STIM2: variants seen among roughly 807,000 people sequenced by gnomAD.
STIM2 encodes the protein stromal interaction molecule 2.
In STIM2, 31 loss-of-function variants were observed where a neutral mutation model predicts 85.8. The observed-to-expected ratio is 0.36, with a 90% CI of 0.27 to 0.49. STIM2 has a LOEUF of 0.49. STIM2 is among the 20% of genes least tolerant of loss of function. The pLI, the probability that STIM2 is intolerant of heterozygous loss-of-function variation, is 0.98. For synonymous variants in STIM2, 356 were observed against 331.1 expected, an observed-to-expected ratio of 1.08 and a Z score of -0.82; for missense variants, 841 against 927.6, an observed-to-expected ratio of 0.91 and a Z score of 1.21.
intron 2 of STIM2, among the ~76,000 whole-genome samples, chr4:26,938,640 C>G (rs959008427): frequency 1.4e-4 from 21 of 152,096 alleles, no homozygotes; most frequent in African/African-American, 4.8e-4. Flanking sequence ...TTTGGATTGT[C>G]GTAAGGTAAA....
chr4:26,882,639 T>G (rs1723055940), intron 1 of STIM2, among the ~76,000 whole-genome samples: 1 of 151,504 alleles, frequency 6.6e-6, no homozygotes, highest in Non-Finnish European at 1.5e-5. Context: ...TTTTTGTATT[T>G]TTTGTAGGGA....
intron 1 of STIM2, among the ~76,000 whole-genome samples, chr4:26,870,339 T>G (rs1722568959): frequency 6.6e-6 from 1 of 152,090 alleles, no homozygotes; most frequent in South Asian, 2.1e-4. Context: ...ATGGATTATG[T>G]GAATTAGCTT....
intron 3 of STIM2, among the ~76,000 whole-genome samples, chr4:26,978,867 T>TGG (rs1479086627): frequency 6.6e-6 from 1 of 152,084 alleles, no homozygotes; most frequent in Non-Finnish European, 1.5e-5. Flanking sequence ...GATGCAGGGT[T>TGG]GGGTGGGTGG....
intron 3 of STIM2, among the ~76,000 whole-genome samples, chr4:26,976,082 G>A (rs998611755): frequency 6.6e-6 from 1 of 152,228 alleles, no homozygotes; most frequent in Non-Finnish European, 1.5e-5. Context: ...CTCCTTGTCT[G>A]CTGGTTGCTA....
chr4:27,011,820 C>A (rs1728568141), intron 10 of STIM2, among the ~76,000 whole-genome samples: 1 of 152,010 alleles, frequency 6.6e-6, no homozygotes, highest in Non-Finnish European at 1.5e-5. Context: ...AGTGTTCTTT[C>A]TATTTTCTGG....
intron 11 of STIM2, among the ~76,000 whole-genome samples, 155 bp downstream of exon 11, chr4:27,018,139 C>T (rs113605355): frequency 6.6e-6 from 1 of 152,224 alleles, no homozygotes; most frequent in East Asian, 1.9e-4. Context: ...CATTTTTTAG[C>T]TCTTAGTTCT....
At chr4:27,001,456 A>G (rs953071327) in intron 5 of STIM2, among the ~76,000 whole-genome samples, 1 of 152,188 alleles carries the variant, frequency 6.6e-6, no homozygotes, top group Non-Finnish European at 1.5e-5. Context: ...GACACCTAAA[A>G]CTGAATAATT....
At chr4:26,909,443 A>G (rs768310790) in intron 1 of STIM2, among the ~76,000 whole-genome samples, 15 of 152,302 alleles carry the variant, frequency 9.8e-5, no homozygotes, top group African/African-American at 1.9e-4. Context: ...TTTTTTCTCT[A>G]TGGAGTATTC....
chr4:27,021,294 G>C (rs1000932634), intron 11 of STIM2: 2 of 451,800 alleles, frequency 4.4e-6, no homozygotes, highest in Non-Finnish European at 8.2e-6. Flanking sequence ...ATCATTTTAG[G>C]TTTTGGTAAG....
chr4:26,973,873 A>G (rs1366341775), intron 3 of STIM2, among the ~76,000 whole-genome samples: 2 of 152,186 alleles, frequency 1.3e-5, no homozygotes, highest in Admixed American at 1.3e-4. Flanking sequence ...GTGGGAGTCT[A>G]AGTCTCTTTG....
rs1282772093 is a variant in STIM2 at position 26,873,400 on chromosome 4, T to TA, written c.151+12046dup. ...GGGTGACAGAGTGAGACTCCGTCTT[T>TA]AAAAAAAAAAAAAAAGTCCTTTCCA... On this transcript the variant is annotated intron_variant, in intron 1 of 11. Coordinates refer to ENST00000467087, the MANE Select transcript of STIM2 (RefSeq NM_020860.4). 6.9e-3 allele frequency among the ~76,000 whole-genome samples: 967 copies of TA among 140,322 alleles called. 9 individuals carry two copies. The highest frequency in any genetic ancestry group is 0.02 in the African/African-American group (748 of 38,284). 92.1% of individuals were successfully genotyped at this position (140,322 alleles called of 152,430 possible). A position where few individuals can be genotyped will look rare whatever the true frequency, so the allele number is the denominator to read the frequency against.
At chr4:26,873,766 C>T (rs1722714498) in intron 1 of STIM2, 1 of 878,372 alleles carries the variant, frequency 1.1e-6, no homozygotes, top group Admixed American at 1.8e-5. Context: ...GTCAGACTCA[C>T]TGGGAGAGCA....
At chr4:26,959,898 C>G (rs751512317) in intron 3 of STIM2, among the ~76,000 whole-genome samples, 1 of 152,134 alleles carries the variant, frequency 6.6e-6, no homozygotes, top group African/African-American at 2.4e-5. Context: ...GGCTATATAA[C>G]CTTACAGAGT....
chr4:26,995,667 T>C (rs1727936404), intron 4 of STIM2, among the ~76,000 whole-genome samples, 177 bp downstream of exon 4: 2 of 152,114 alleles, frequency 1.3e-5, no homozygotes. Flanking sequence ...CAATTTTTCT[T>C]GTCTAAATAA....
intron 3 of STIM2, among the ~76,000 whole-genome samples, chr4:26,960,083 A>C (rs896010795): frequency 4.6e-5 from 7 of 152,204 alleles, no homozygotes; most frequent in African/African-American, 1.7e-4. Context: ...TATTGTTGCC[A>C]GAGCACTGGT....
intron 3 of STIM2, among the ~76,000 whole-genome samples, chr4:26,981,702 G>T (rs540964019): frequency 6.6e-6 from 1 of 152,266 alleles, no homozygotes; most frequent in Admixed American, 6.5e-5. Flanking sequence ...CTTTTACGAC[G>T]TTGGCCAGTA....
intron 2 of STIM2, among the ~76,000 whole-genome samples, chr4:26,922,325 C>A (rs1724835183): frequency 6.6e-6 from 1 of 152,086 alleles, no homozygotes; most frequent in South Asian, 2.1e-4. Context: ...TTTTCTTAGT[C>A]ATTTACAATA....
At position 26,995,480 on chromosome 4, in the gene STIM2, A is replaced by G; in HGVS notation, c.499A>G (p.Thr167Ala). Reference sequence around the variant, plus strand: ...TAGAGACAACAATGTCAAAGGAACGACACTTCCCAGGTGAGTCTTTGTTAT... The same window carrying G: ...TAGAGACAACAATGTCAAAGGAACGGCACTTCCCAGGTGAGTCTTTGTTAT... Residue 167 changes from threonine to alanine, a missense_variant, in exon 4 of 12, where the codon ACA becomes GCA. Physicochemically the swap from Thr to Ala is moderately conservative, Grantham distance 58. This residue lies in a region of STIM2 where 408 missense variants were observed against 525.4 expected (regional missense o/e 0.78). Coordinates refer to ENST00000467087, the MANE Select transcript of STIM2 (RefSeq NM_020860.4). 2 of 1,595,608 alleles carry G rather than the reference A, an allele frequency of 1.3e-6. No individual in the cohort carries two copies. Among genetic ancestry groups the G allele is most frequent in the South Asian group, 1.1e-5 (1 of 88,352 alleles).
At chr4:26,988,348 T>C (rs1034708630) in intron 3 of STIM2, among the ~76,000 whole-genome samples, 2 of 152,118 alleles carry the variant, frequency 1.3e-5, no homozygotes, top group South Asian at 2.1e-4. Context: ...GAAAACTTCA[T>C]GAAGGAGGGA....
Sources: allele counts gnomAD v4.1 joint callset (sites outside exome capture counted in the v4.1 genomes callset), GRCh38; gene constraint gnomAD v4.1.1; regional missense constraint gnomAD v4.1.1; transcripts MANE v1.5; gene names NCBI Gene and HGNC (gene_info 2026-07-23, HGNC 2026-07-21).